The following PTPN14 variants were observed in gnomAD, a reference collection of about 807,000 sequenced individuals.
The protein encoded by PTPN14 is tyrosine-protein phosphatase non-receptor type 14.
Under a neutral mutation model 126.8 loss-of-function variants are expected in PTPN14, and 53 were observed. The observed-to-expected ratio is 0.42, with a 90% CI of 0.34 to 0.53. The LOEUF (loss-of-function observed/expected upper bound fraction) is 0.53, where lower values mean the gene tolerates loss of function less well. PTPN14 is among the 20% of genes least tolerant of loss of function. The pLI is 0.08. For synonymous variants in PTPN14, 630 were observed against 599.3 expected, an observed-to-expected ratio of 1.05 and a Z score of -0.75; for missense variants, 1,257 against 1,552.9, an observed-to-expected ratio of 0.81 and a Z score of 3.20.
chr1:214,468,752 C>T (rs1660693961), intron 1 of PTPN14, among the ~76,000 whole-genome samples: 3 of 152,132 alleles, frequency 2.0e-5, no homozygotes, highest in African/African-American at 7.2e-5. Flanking sequence ...AAAAAGAAGG[C>T]AATCCTCAAT....
At chr1:214,535,778 C>CAAA (rs10689118) in intron 1 of PTPN14, among the ~76,000 whole-genome samples, 43 of 130,446 alleles carry the variant, frequency 3.3e-4, no homozygotes, top group African/African-American at 1.0e-3. Context: ...GACTCCATCT[C>CAAA]AAAAAAAAAA....
At chr1:214,367,072 G>C (rs1315428009) in intron 17 of PTPN14, among the ~76,000 whole-genome samples, 2 of 151,796 alleles carry the variant, frequency 1.3e-5, no homozygotes, top group Admixed American at 6.6e-5. Context: ...ATACTTTAAA[G>C]TGCCTTATAA....
intron 3 of PTPN14, among the ~76,000 whole-genome samples, chr1:214,443,350 C>A (rs1660075749): frequency 6.6e-6 from 1 of 152,132 alleles, no homozygotes; most frequent in African/African-American, 2.4e-5. Context: ...ACCACCTCCC[C>A]AATTCCTGCA....
intron 3 of PTPN14, among the ~76,000 whole-genome samples, chr1:214,434,726 C>A (rs1341800704): frequency 1.3e-5 from 2 of 151,646 alleles, no homozygotes; most frequent in Non-Finnish European, 2.9e-5. Flanking sequence ...TGTTGAGGAC[C>A]CAGAGAAAAG....
At position 214,421,747 on chromosome 1, in the gene PTPN14, G is replaced by A. The variant is rs537393717; in HGVS notation, c.345-7021C>T. Among the ~76,000 whole-genome samples, 620 of 152,146 alleles carry A rather than the reference G, an allele frequency of 4.1e-3. 2 individuals carry two copies. The highest frequency in any genetic ancestry group is 0.014 in the African/African-American group (601 of 41,514). On this transcript the variant is annotated intron_variant, in intron 3 of 18. Coordinates refer to ENST00000366956, the MANE Select transcript of PTPN14 (RefSeq NM_005401.5). ...CCCATACCTGAGCTGTCGTAAGTGT[G>A]CGGTGCTCCCCAATAGTTGCCATGT...
In PTPN14 at chr1:214,354,803, C is replaced by T. The variant is rs1020854199; in HGVS notation, c.*3119G>A. 3.9e-5 allele frequency: 6 copies of T among 152,144 alleles called. No homozygotes were observed. The highest frequency in any genetic ancestry group is 8.8e-5 in the Non-Finnish European group (6 of 68,032). The allele number at this position is 152,144 out of a possible 1,614,324, so 9.4% of individuals were successfully genotyped here. A position where few individuals can be genotyped will look rare whatever the true frequency, so the allele number is the denominator to read the frequency against. ...CATTTTACATTTTCTCCCTTCAAAT[C>T]CAAACTGCAGCAATAGACACTGACA... On this transcript the variant is annotated 3_prime_UTR_variant, in exon 19 of 19. Transcript: ENST00000366956.
At chr1:214,371,433 A>G (rs527335290) in intron 16 of PTPN14, among the ~76,000 whole-genome samples, 216 of 152,284 alleles carry the variant, frequency 1.4e-3, no homozygotes, top group Middle Eastern at 0.01. Context: ...AAACCCACAC[A>G]AAGAGGAGGA....
intron 1 of PTPN14, among the ~76,000 whole-genome samples, chr1:214,547,843 A>G (rs1656009540): frequency 2.0e-5 from 3 of 151,598 alleles, no homozygotes; most frequent in African/African-American, 7.3e-5. Context: ...CCACCTCTCA[A>G]TTTCCTCTTG....
chr1:214,424,440 T>C (rs1659614293), intron 3 of PTPN14, among the ~76,000 whole-genome samples: 1 of 152,044 alleles, frequency 6.6e-6, no homozygotes, highest in Admixed American at 6.5e-5. Flanking sequence ...GTCAGCAATA[T>C]GAGAGATAAT....
intron 2 of PTPN14, among the ~76,000 whole-genome samples, chr1:214,453,974 T>C (rs1242976949): frequency 6.6e-6 from 1 of 152,174 alleles, no homozygotes; most frequent in Non-Finnish European, 1.5e-5. Context: ...CATGAAGTCA[T>C]TTGGGTATTC....
chr1:214,460,421 ACAC>A (rs573555159), intron 2 of PTPN14, among the ~76,000 whole-genome samples: 143 of 151,598 alleles, frequency 9.4e-4, no homozygotes, highest in African/African-American at 3.4e-3. Flanking sequence ...ACACACACAC[ACAC>A]ATCAGTGCAA....
chr1:214,380,917 C>T (rs1041490349), intron 13 of PTPN14, among the ~76,000 whole-genome samples: 7 of 152,186 alleles, frequency 4.6e-5, no homozygotes, highest in African/African-American at 1.7e-4. Context: ...GCTCCTAATC[C>T]AACTCTAAGG....
intron 2 of PTPN14, among the ~76,000 whole-genome samples, chr1:214,459,147 TTC>T (rs1473159440): frequency 2.1e-4 from 10 of 47,066 alleles, no homozygotes; most frequent in Admixed American, 2.0e-3. Context: ...CACTCTTTTC[TTC>T]TTTTTTTTTT....
chr1:214,523,173 C>T (rs1295046757), intron 1 of PTPN14, among the ~76,000 whole-genome samples: 1 of 151,664 alleles, frequency 6.6e-6, no homozygotes, highest in Non-Finnish European at 1.5e-5. Flanking sequence ...GAGGCAGTGC[C>T]CTTGAACCTG....
At chr1:214,438,785 G>A (rs1255595758) in intron 3 of PTPN14, among the ~76,000 whole-genome samples, 1 of 152,184 alleles carries the variant, frequency 6.6e-6, no homozygotes, top group African/African-American at 2.4e-5. Flanking sequence ...ACTGATACCA[G>A]CACAGCTCTC....
chr1:214,501,432 G>C (rs1320169463), intron 1 of PTPN14, among the ~76,000 whole-genome samples: 1 of 151,930 alleles, frequency 6.6e-6, no homozygotes, highest in Admixed American at 6.6e-5. Context: ...AGTAGAGACG[G>C]GGCTTCGTGA....
intron 10 of PTPN14, among the ~76,000 whole-genome samples, chr1:214,392,706 T>G (rs1658785854): frequency 6.6e-6 from 1 of 152,078 alleles, no homozygotes. Flanking sequence ...TGATTCACAT[T>G]TGCAAACCAA....
rs764131218 is a variant in PTPN14, at chr1:214,383,751, T to C, written c.2104A>G (p.Thr702Ala). The C allele has an allele frequency of 5.6e-6, 9 of 1,613,382 alleles. No individual in the cohort carries two copies. The Admixed American group carries it at 1.0e-4, about 18-fold the overall frequency. The change falls in exon 13 of 19, where the codon ACT (threonine) becomes GCT (alanine). Residue 702 changes from threonine (T) to alanine (A), a missense_variant. This residue lies in a region of PTPN14 where 1,021 missense variants were observed against 1,183.3 expected (regional missense o/e 0.86). Transcript: ENST00000366956. This position sits in a 1 kb window ranked among gnomAD's most constrained non-coding sequence, Gnocchi z 4.4. ...YHHKKTFSDATMLIHSSESEE... is the reference protein window; with the variant it reads ...YHHKKTFSDAAMLIHSSESEE... ...CTCTCGCTGCTGTGGATTAGCATAG[T>C]GGCATCAGAGAAGGTCTTCTTGTGG...
rs1011605893 is a variant in PTPN14, at chr1:214,551,389, G to C, written c.-361C>G. 2.0e-5 allele frequency: 3 copies of C among 152,522 alleles called. No individual in the cohort carries two copies. Among genetic ancestry groups the C allele is most frequent in the African/African-American group, 4.8e-5 (2 of 41,474 alleles). The allele number at this position is 152,522 out of a possible 1,614,324, so 9.4% of individuals were successfully genotyped here. A position where few individuals can be genotyped will look rare whatever the true frequency, so the allele number is the denominator to read the frequency against. On this transcript the variant is annotated 5_prime_UTR_variant, in exon 1 of 19. Transcript: ENST00000366956. ...GCAGAGGCGCACCGGGGGAGAAAAG[G>C]AGAAAAACCTAAGCACGGGGCTGTC...
Sources: gnomAD v4.1 joint callset for allele counts (sites outside exome capture counted in the v4.1 genomes callset) on GRCh38, gnomAD v4.1.1 for gene constraint, gnomAD v4.1.1 regional missense constraint, Gnocchi (gnomAD v3.1) non-coding constraint, MANE v1.5 for transcripts, NCBI Gene and HGNC (gene_info 2026-07-23, HGNC 2026-07-21) for gene names.